Variants in FBLN5 observed in about 807,000 individuals in gnomAD.
The protein encoded by FBLN5 is fibulin 5, also known as fibulin-5.
A neutral mutation model predicts 61.6 loss-of-function variants in FBLN5; 24 were observed. The observed-to-expected ratio is 0.39, with a 90% CI of 0.28 to 0.55. The LOEUF (loss-of-function observed/expected upper bound fraction) is 0.55, where lower values mean the gene tolerates loss of function less well. Ranked by LOEUF, FBLN5 falls within the 20% of genes least tolerant of loss-of-function variation. The probability of loss-of-function intolerance (pLI) is 0.65; values close to 1 mark genes in which losing one functional copy is unlikely to be tolerated. For missense variants in FBLN5, 470 were observed against 594.1 expected, an observed-to-expected ratio of 0.79 and a Z score of 2.17; for synonymous variants, 213 against 219.8, an observed-to-expected ratio of 0.97 and a Z score of 0.27.
chr14:91,937,427 T>C (rs1461550684), intron 3 of FBLN5, among the ~76,000 whole-genome samples: 3 of 152,104 alleles, frequency 2.0e-5, no homozygotes, highest in Admixed American at 1.3e-4. Context: ...ATTTTGACCA[T>C]ATCTACAAAA....
chr14:91,898,902 C>T (rs1390768373), intron 4 of FBLN5, among the ~76,000 whole-genome samples: 1 of 149,186 alleles, frequency 6.7e-6, no homozygotes, highest in Non-Finnish European at 1.5e-5. Flanking sequence ...CCCGGGTTCA[C>T]ACCACTCTTC....
intron 4 of FBLN5, among the ~76,000 whole-genome samples, chr14:91,926,010 G>T (rs940527453): frequency 6.6e-6 from 1 of 152,150 alleles, no homozygotes; most frequent in African/African-American, 2.4e-5. Context: ...GCTAGCCTGG[G>T]TTCATCGGTG....
Position 91,881,557 on chromosome 14 carries a change from A to G in FBLN5, c.863-139T>C, listed in dbSNP as rs566509637. On this transcript the variant is annotated intron_variant, in intron 8 of 10. Transcript: ENST00000342058. ...AACAGGCCATATGTGGCTACTGAGT[A>G]CTTGGAATGTGGCTGATCCAAATTG... The G allele has an allele frequency of 2.8e-4, 250 of 905,198 alleles. 1 individual carries two copies. In the African/African-American group the frequency reaches 3.7e-3, roughly 14 times the overall value. 56.1% of individuals were successfully genotyped at this position (905,198 alleles called of 1,614,324 possible).
chr14:91,925,650 C>A (rs566378854), intron 4 of FBLN5, among the ~76,000 whole-genome samples: 57 of 152,366 alleles, frequency 3.7e-4, no homozygotes, highest in African/African-American at 1.2e-3. Context: ...AAGGGCACAG[C>A]CTCCCACAGC....
At chr14:91,917,394 T>C (rs1360043809) in intron 4 of FBLN5, among the ~76,000 whole-genome samples, 1 of 151,888 alleles carries the variant, frequency 6.6e-6, no homozygotes, top group African/African-American at 2.4e-5. Context: ...CTGACCAATA[T>C]AGTGAAACAT....
At position 91,888,976 on chromosome 14, in the gene FBLN5, A is replaced by C. The variant is rs1489862670; in HGVS notation, c.620-1664T>G. ...TGAAAAGAGATGTCAGTGTTTTCAG[A>C]GCTAAAAGCCTTCACGGTGAGCAGA... On this transcript the variant is annotated intron_variant, in intron 6 of 10. Coordinates refer to ENST00000342058, the MANE Select transcript of FBLN5 (RefSeq NM_006329.4). 3.9e-5 allele frequency among the ~76,000 whole-genome samples: 6 copies of C among 152,200 alleles called. No homozygotes were observed. The East Asian group carries it at 1.2e-3, about 29-fold the overall frequency.
intron 4 of FBLN5, among the ~76,000 whole-genome samples, chr14:91,900,249 T>C (rs2139991950): frequency 6.6e-6 from 1 of 152,354 alleles, no homozygotes; most frequent in South Asian, 2.1e-4. Context: ...ATAAAATCTC[T>C]ATAGGCAGTT....
At chr14:91,942,409 C>T (rs2056119930) in intron 2 of FBLN5, among the ~76,000 whole-genome samples, 1 of 152,240 alleles carries the variant, frequency 6.6e-6, no homozygotes, top group Non-Finnish European at 1.5e-5. Flanking sequence ...CATGCAGACC[C>T]GTGGGGGTCC....
At chr14:91,941,946 T>C (rs895804390) in intron 2 of FBLN5, 56 of 350,904 alleles carry the variant, frequency 1.6e-4, no homozygotes, top group African/African-American at 1.0e-3. Flanking sequence ...GGTCTAAAAT[T>C]CTTTGTTACT....
intron 4 of FBLN5, among the ~76,000 whole-genome samples, chr14:91,911,730 A>G (rs1595326615): frequency 6.6e-6 from 1 of 151,314 alleles, no homozygotes; most frequent in Non-Finnish European, 1.5e-5. Flanking sequence ...CCCTGCCCTC[A>G]CTACTCACTG....
At chr14:91,924,290 C>T (rs946815104) in intron 4 of FBLN5, among the ~76,000 whole-genome samples, 2 of 152,154 alleles carry the variant, frequency 1.3e-5, no homozygotes, top group African/African-American at 2.4e-5. Context: ...AGAAACTGTA[C>T]CTAATATATA....
At chr14:91,905,411 A>G (rs1261457673) in intron 4 of FBLN5, among the ~76,000 whole-genome samples, 1 of 152,122 alleles carries the variant, frequency 6.6e-6, no homozygotes, top group Non-Finnish European at 1.5e-5. Flanking sequence ...TGAAGCTGCT[A>G]ACAGGTGAGA....
At chr14:91,914,173 C>T (rs1891081826) in intron 4 of FBLN5, among the ~76,000 whole-genome samples, 1 of 152,002 alleles carries the variant, frequency 6.6e-6, no homozygotes, top group Non-Finnish European at 1.5e-5. Context: ...CGAGGCCCTG[C>T]CTCTACATAA....
chr14:91,916,029 T>C lies in FBLN5; in HGVS notation c.379+20918A>G, dbSNP rs556234535. 6.6e-5 allele frequency among the ~76,000 whole-genome samples: 10 copies of C among 152,344 alleles called. No homozygotes were observed. In the East Asian group the frequency reaches 7.7e-4, roughly 12 times the overall value. ...TTAGCCAAACAAATCCAGCAGTATA[T>C]TGTAAACAAATCATACTATAACATG... On this transcript the variant is annotated intron_variant, in intron 4 of 10. Transcript: ENST00000342058.
At chr14:91,897,709 C>G (rs567378086) in intron 4 of FBLN5, among the ~76,000 whole-genome samples, 2 of 152,316 alleles carry the variant, frequency 1.3e-5, no homozygotes, top group South Asian at 2.1e-4. Context: ...GATCAAAATC[C>G]TTGAAGTTCA....
chr14:91,897,797 C>G (rs1273206383), intron 4 of FBLN5, among the ~76,000 whole-genome samples: 2 of 152,196 alleles, frequency 1.3e-5, no homozygotes, highest in African/African-American at 4.8e-5. Context: ...CCTGTAATCC[C>G]AGCACGTTGG....
Position 91,883,664 on chromosome 14 carries a change from A to AAAAAAAAAAAAC in FBLN5, c.740-589_740-588insGTTTTTTTTTTT, listed in dbSNP as rs758858453. Among the ~76,000 whole-genome samples, 12 of 148,452 alleles carry AAAAAAAAAAAAC rather than the reference A, an allele frequency of 8.1e-5. 1 individual carries two copies. Among genetic ancestry groups the AAAAAAAAAAAAC allele is most frequent in the African/African-American group, 2.5e-4 (10 of 39,726 alleles). ...ACTGTGTAAAAAAAAAAACAAAAAA[A>AAAAAAAAAAAAC]ACACACACACACAAAAACAAAAACA... On this transcript the variant is annotated intron_variant, in intron 7 of 10. Coordinates refer to ENST00000342058, the MANE Select transcript of FBLN5 (RefSeq NM_006329.4).
At chr14:91,941,933 C>T in intron 2 of FBLN5, 1 of 345,798 alleles carries the variant, frequency 2.9e-6, no homozygotes, top group Non-Finnish European at 5.7e-6. Flanking sequence ...TAGAAAACCG[C>T]AAGGTCTAAA....
At chr14:91,935,275 A>T (rs2055994464) in intron 4 of FBLN5, among the ~76,000 whole-genome samples, 1 of 152,202 alleles carries the variant, frequency 6.6e-6, no homozygotes. Context: ...GGAAGGAGGG[A>T]GACACTTTGG....
Sources: allele counts gnomAD v4.1 joint callset (sites outside exome capture counted in the v4.1 genomes callset), GRCh38; gene constraint gnomAD v4.1.1; transcripts MANE v1.5; gene names NCBI Gene and HGNC (gene_info 2026-07-23, HGNC 2026-07-21).